PANK3: variants seen among roughly 807,000 people sequenced by gnomAD.
The protein encoded by PANK3 is pantothenate kinase 3.
In PANK3, 20 loss-of-function variants were observed where a neutral mutation model predicts 39.4. That is an observed-to-expected ratio of 0.51 (90% CI 0.36 to 0.74). PANK3 has a LOEUF of 0.74. PANK3 is among the 30% of genes least tolerant of loss of function. The pLI, the probability that PANK3 is intolerant of heterozygous loss-of-function variation, is 0.00. For synonymous variants in PANK3, 140 were observed against 157.3 expected (o/e 0.89, Z 0.82); for missense variants, 265 against 437.0 (o/e 0.61, Z 3.51).
In PANK3 at chr5:168,556,974, T is replaced by C. The variant is rs1271740630; in HGVS notation, c.*597A>G. 4.6e-5 allele frequency: 7 copies of C among 152,624 alleles called. No homozygotes were observed. The allele number at this position is 152,624 out of a possible 1,614,324, so 9.5% of individuals were successfully genotyped here. A position where few individuals can be genotyped will look rare whatever the true frequency, so the allele number is the denominator to read the frequency against. On this transcript the variant is annotated 3_prime_UTR_variant, in exon 7 of 7. Transcript: ENST00000239231. ...ATTCATTTTAGAATTCTCATGAAAA[T>C]TTAATAATAGTATTTCAGTTAATTA...
At chr5:168,576,791 A>C (rs1582469883) in intron 1 of PANK3, among the ~76,000 whole-genome samples, 1 of 10,346 alleles carries the variant, frequency 9.7e-5, no homozygotes, top group Non-Finnish European at 1.8e-4. Context: ...TAATTATGCC[A>C]AAAAAAACCC....
chr5:168,570,164 C>T (rs1188278923), intron 1 of PANK3, among the ~76,000 whole-genome samples: 1 of 152,046 alleles, frequency 6.6e-6, no homozygotes, highest in African/African-American at 2.4e-5. Context: ...GGGTGGATCA[C>T]GAGGTCAGGA....
intron 1 of PANK3, among the ~76,000 whole-genome samples, chr5:168,574,500 T>G (rs1227354583): frequency 6.6e-6 from 1 of 152,106 alleles, no homozygotes; most frequent in Non-Finnish European, 1.5e-5. Flanking sequence ...GCAGTGAAAA[T>G]ATGAGTAAAT....
intron 3 of PANK3, among the ~76,000 whole-genome samples, chr5:168,564,856 A>T (rs545591492): frequency 4.3e-4 from 66 of 152,356 alleles, no homozygotes; most frequent in African/African-American, 1.5e-3. Flanking sequence ...ACATAAATAC[A>T]ATGAGTAAAT....
At position 168,566,137 on chromosome 5, in the gene PANK3, G is replaced by T; in HGVS notation, c.511C>A (p.Arg171=). ...YYFANASEPE[R]CQKMPFNLDD... ...AGGTTAAAAGGCATCTTTTGGCATC[G>T]CTCAGGTTCTGAGGCATTAGCAAAA... The change falls in exon 3 of 7, where the codon CGA becomes AGA. Residue 171 remains arginine (R), a synonymous_variant. Transcript: ENST00000239231. The T allele has an allele frequency of 1.2e-6, 2 of 1,613,900 alleles. No individual in the cohort carries two copies. Among genetic ancestry groups the T allele is most frequent in the Non-Finnish European group, 8.5e-7 (1 of 1,179,998 alleles).
At position 168,557,250 on chromosome 5, in the gene PANK3, T is replaced by C; in HGVS notation, c.*321A>G. 4.3e-6 allele frequency: 1 copy of C among 235,050 alleles called. No individual in the cohort carries two copies. Among genetic ancestry groups the C allele is most frequent in the Non-Finnish European group, 8.3e-6 (1 of 121,018 alleles). 14.6% of individuals were successfully genotyped at this position (235,050 alleles called of 1,614,324 possible). ...CGATTATTTTCATAAGCTAAACAGTTCCGATACTTTAAGATTTGTGTTTGA... is the reference window on the plus strand; with the variant it reads ...CGATTATTTTCATAAGCTAAACAGTCCCGATACTTTAAGATTTGTGTTTGA... On this transcript the variant is annotated 3_prime_UTR_variant, in exon 7 of 7. Coordinates refer to ENST00000239231, the MANE Select transcript of PANK3 (RefSeq NM_024594.4).
At chr5:168,576,290 T>C (rs1233904437) in intron 1 of PANK3, among the ~76,000 whole-genome samples, 1 of 152,226 alleles carries the variant, frequency 6.6e-6, no homozygotes, top group Non-Finnish European at 1.5e-5. Flanking sequence ...AGTACCTTAC[T>C]ACTTGGGTTA....
chr5:168,566,444 T>G (rs1279477782), intron 2 of PANK3, among the ~76,000 whole-genome samples, 178 bp from the exon 3 acceptor site: 1 of 152,162 alleles, frequency 6.6e-6, no homozygotes, highest in Admixed American at 6.5e-5. Context: ...TCAGTGAGGG[T>G]GGTATCACCT....
intron 1 of PANK3, among the ~76,000 whole-genome samples, chr5:168,576,945 T>A (rs1759741184): frequency 6.6e-6 from 1 of 152,030 alleles, no homozygotes; most frequent in African/African-American, 2.4e-5. Flanking sequence ...AGTGGCGTGA[T>A]CTCGGCTCCC....
rs1456626367 is a variant in PANK3 at position 168,559,021 on chromosome 5, T to G, written c.1062+11A>C. On this transcript the variant is annotated intron_variant, in intron 6 of 6. Transcript: ENST00000239231. ...CTATTAAAATTCACAAAAAACATTT[T>G]CCTACCATACCTCATGTTCTAGAAA... 2.5e-6 allele frequency: 4 copies of G among 1,595,844 alleles called. No individual in the cohort carries two copies. The South Asian group carries it at 3.4e-5, about 14-fold the overall frequency.
intron 2 of PANK3, among the ~76,000 whole-genome samples, chr5:168,567,874 C>A (rs1407916227): frequency 6.6e-6 from 1 of 152,156 alleles, no homozygotes; most frequent in Non-Finnish European, 1.5e-5. Context: ...CCCACGTCAG[C>A]CTTTATATTC....
intron 1 of PANK3, among the ~76,000 whole-genome samples, chr5:168,569,471 C>G (rs1236383595): frequency 6.6e-6 from 1 of 151,774 alleles, no homozygotes. Flanking sequence ...GGATTGCAGG[C>G]GTGAGCCACC....
At chr5:168,572,877 A>G (rs1415987238) in intron 1 of PANK3, among the ~76,000 whole-genome samples, 1 of 152,054 alleles carries the variant, frequency 6.6e-6, no homozygotes, top group Non-Finnish European at 1.5e-5. Flanking sequence ...GAGTGGGATT[A>G]GGGGTGGCGT....
intron 4 of PANK3, among the ~76,000 whole-genome samples, chr5:168,561,771 T>G (rs1759453072): frequency 6.6e-6 from 1 of 152,170 alleles, no homozygotes; most frequent in South Asian, 2.1e-4. Context: ...ATTACCAAAA[T>G]ATCTTCACTT....
intron 1 of PANK3, among the ~76,000 whole-genome samples, 177 bp from the exon 2 acceptor site, chr5:168,569,175 T>C: frequency 6.8e-6 from 1 of 146,840 alleles, no homozygotes; most frequent in African/African-American, 2.5e-5. Context: ...CTTTTTCCCT[T>C]CAAAGTTTTT....
At chr5:168,568,185 A>G (rs558603626) in intron 2 of PANK3, among the ~76,000 whole-genome samples, 1 of 152,340 alleles carries the variant, frequency 6.6e-6, no homozygotes, top group African/African-American at 2.4e-5. Context: ...AAAAAGGGTA[A>G]CAGATTTTCA....
chr5:168,559,774 C>T (rs541363083), intron 5 of PANK3, among the ~76,000 whole-genome samples: 2 of 152,174 alleles, frequency 1.3e-5, no homozygotes, highest in African/African-American at 4.8e-5. Flanking sequence ...CCACACATTG[C>T]AATGCATGTT....
chr5:168,574,892 G>A (rs1172720310), intron 1 of PANK3, among the ~76,000 whole-genome samples: 1 of 152,000 alleles, frequency 6.6e-6, no homozygotes, highest in African/African-American at 2.4e-5. Flanking sequence ...CAGTTTCCTA[G>A]GAAATCAAGC....
intron 1 of PANK3, among the ~76,000 whole-genome samples, chr5:168,571,828 G>A (rs900328856): frequency 1.3e-5 from 2 of 152,056 alleles, no homozygotes; most frequent in East Asian, 1.9e-4. Flanking sequence ...TAGCTCGTTC[G>A]TCTTTATATT....
Sources: allele counts gnomAD v4.1 joint callset (sites outside exome capture counted in the v4.1 genomes callset), GRCh38; gene constraint gnomAD v4.1.1; transcripts MANE v1.5; gene names NCBI Gene and HGNC (gene_info 2026-07-23, HGNC 2026-07-21).